Variants in SELENOF observed in about 807,000 individuals in gnomAD.
The protein encoded by SELENOF is 15 kDa selenoprotein.
Under a neutral mutation model 20.5 loss-of-function variants are expected in SELENOF, and 16 were observed. The ratio of observed to expected loss-of-function variants is 0.78; its 90% CI spans 0.53 to 1.19. The LOEUF (loss-of-function observed/expected upper bound fraction) is 1.19, where lower values mean the gene tolerates loss of function less well. SELENOF is among the 50% of genes most tolerant of loss of function. The pLI is 0.00. For missense variants in SELENOF, 215 were observed against 194.2 expected (o/e 1.11, Z -0.64); for synonymous variants, 78 against 74.5 (o/e 1.05, Z -0.24).
chr1:86,863,215 C>A lies in SELENOF; in HGVS notation c.*259G>T. On this transcript the variant is annotated 3_prime_UTR_variant, in exon 5 of 5. Coordinates refer to ENST00000331835, the MANE Select transcript of SELENOF (RefSeq NM_004261.5). ...ACAAACTATCATTTGCATAATTAAC[C>A]GCAAGTCTGTTACAAAGCATTTTGT... is the stretch of plus-strand genomic sequence containing the variant. 3.1e-6 allele frequency: 1 copy of A among 321,744 alleles called. No homozygotes were observed. Among genetic ancestry groups the A allele is most frequent in the Non-Finnish European group, 5.7e-6 (1 of 176,132 alleles). 19.9% of individuals were successfully genotyped at this position (321,744 alleles called of 1,614,324 possible).
At chr1:86,907,300 A>G (rs1231346959) in intron 1 of SELENOF, among the ~76,000 whole-genome samples, 1 of 152,234 alleles carries the variant, frequency 6.6e-6, no homozygotes, top group South Asian at 2.1e-4. Flanking sequence ...AAAAATTACA[A>G]AACACTATAT....
Position 86,863,263 on chromosome 1 carries a change from A to C in SELENOF, c.*211T>G. On this transcript the variant is annotated 3_prime_UTR_variant, in exon 5 of 5. Coordinates refer to ENST00000331835, the MANE Select transcript of SELENOF (RefSeq NM_004261.5). The stretch of plus-strand genomic sequence containing the variant: ...TGTTAGTGGTATCAACAAATGCAGG[A>C]GGATGGACATTTATAAAAAATGGGT... The C allele has an allele frequency of 2.4e-6, 1 of 419,748 alleles. No homozygotes were observed. 26.0% of individuals were successfully genotyped at this position (419,748 alleles called of 1,614,324 possible).
At chr1:86,899,406 G>A (rs1391433599) in intron 2 of SELENOF, among the ~76,000 whole-genome samples, 2 of 128,570 alleles carry the variant, frequency 1.6e-5, no homozygotes, top group Non-Finnish European at 3.2e-5. Context: ...CGGCTGGCCG[G>A]GCAGGGGGCC....
At chr1:86,864,372 T>A (rs1221591086) in intron 4 of SELENOF, among the ~76,000 whole-genome samples, 7 of 152,188 alleles carry the variant, frequency 4.6e-5, no homozygotes, top group African/African-American at 1.7e-4. Context: ...AGATCAAATA[T>A]CCAATTTTAA....
chr1:86,868,449 C>T (rs1026469503), intron 3 of SELENOF, among the ~76,000 whole-genome samples: 11 of 151,994 alleles, frequency 7.2e-5, no homozygotes, highest in East Asian at 1.9e-4. Flanking sequence ...TATTAATATA[C>T]TATGTGATAC....
At chr1:86,866,422 C>G (rs978413445) in intron 4 of SELENOF, among the ~76,000 whole-genome samples, 3 of 148,176 alleles carry the variant, frequency 2.0e-5, no homozygotes, top group Non-Finnish European at 3.0e-5. Flanking sequence ...AAACAGAAAA[C>G]AGGTAGTTGT....
chr1:86,914,236 T>A, upstream of SELENOF: 1 of 806,326 alleles, frequency 1.2e-6, no homozygotes, highest in Non-Finnish European at 2.1e-6. Context: ...TGACAGGTAT[T>A]AAATAACGGC....
At chr1:86,906,246 G>C (rs377325627) in intron 1 of SELENOF, among the ~76,000 whole-genome samples, 5 of 152,302 alleles carry the variant, frequency 3.3e-5, no homozygotes, top group African/African-American at 1.2e-4. Flanking sequence ...TACCATACTA[G>C]TACTTTGGGT....
chr1:86,879,935 ATT>A (rs1371944113), intron 3 of SELENOF, among the ~76,000 whole-genome samples: 1 of 151,952 alleles, frequency 6.6e-6, no homozygotes, highest in Non-Finnish European at 1.5e-5. Flanking sequence ...TTCCTTGGTG[ATT>A]TGTTATTTTG....
chr1:86,880,852 C>A (rs1439925768), intron 2 of SELENOF, 127 bp from the exon 3 acceptor site: 1 of 560,728 alleles, frequency 1.8e-6, no homozygotes. Context: ...AATGTCAAAG[C>A]TGGTTAGCCA....
rs572848314 is a variant in SELENOF, at chr1:86,879,832, T to C, written c.316+830A>G. On this transcript the variant is annotated intron_variant, in intron 3 of 4. Transcript: ENST00000331835. ...AACCCAAAGAATATACCTTCACAAT[T>C]ATCCTTTAACATGTTTACCCAAAAT... Among the ~76,000 whole-genome samples the C allele has an allele frequency of 2.6e-5, 4 of 152,316 alleles. No homozygotes were observed. The East Asian group carries it at 7.7e-4, about 29-fold the overall frequency.
At chr1:86,867,248 T>C (rs889371766) in intron 4 of SELENOF, among the ~76,000 whole-genome samples, 2 of 152,022 alleles carry the variant, frequency 1.3e-5, no homozygotes, top group African/African-American at 4.8e-5. Context: ...CCCAGCACTT[T>C]GGGAGGCTGG....
At chr1:86,905,977 G>C (rs979891426) in intron 1 of SELENOF, among the ~76,000 whole-genome samples, 1 of 152,200 alleles carries the variant, frequency 6.6e-6, no homozygotes, top group East Asian at 1.9e-4. Context: ...GCTGCAGTGT[G>C]TCAATCCTTT....
chr1:86,909,691 T>C (rs1659926396), intron 1 of SELENOF, among the ~76,000 whole-genome samples: 1 of 152,118 alleles, frequency 6.6e-6, no homozygotes, highest in Non-Finnish European at 1.5e-5. Context: ...CCATGTGGAT[T>C]TGTGTAATAC....
At chr1:86,888,402 A>T (rs911970556) in intron 2 of SELENOF, among the ~76,000 whole-genome samples, 1 of 152,152 alleles carries the variant, frequency 6.6e-6, no homozygotes, top group African/African-American at 2.4e-5. Flanking sequence ...AGGTCCTAAT[A>T]ATATATGGAA....
At chr1:86,887,175 G>A in intron 2 of SELENOF, 1 of 1,542,146 alleles carries the variant, frequency 6.5e-7, no homozygotes, top group Non-Finnish European at 8.7e-7. Context: ...TGGCATTCTT[G>A]CTTAGAAACA....
In SELENOF at chr1:86,906,707, G is replaced by A. The variant is rs535371542; in HGVS notation, c.85-3259C>T. On this transcript the variant is annotated intron_variant, in intron 1 of 4. Transcript: ENST00000331835. ...AACCAGTATCAGCTACTAGACATGT[G>A]AGTAAACCACCTTCAGATTTCAGGC... Among the ~76,000 whole-genome samples, 11 of 152,338 alleles carry A rather than the reference G, an allele frequency of 7.2e-5. No homozygotes were observed. The South Asian group carries it at 1.9e-3, about 26-fold the overall frequency.
chr1:86,908,127 C>T (rs919473302), intron 1 of SELENOF, among the ~76,000 whole-genome samples: 3 of 152,140 alleles, frequency 2.0e-5, no homozygotes, highest in Non-Finnish European at 4.4e-5. Flanking sequence ...CTGTACTATA[C>T]CATTACCTTA....
chr1:86,886,939 A>G (rs1432776458), intron 2 of SELENOF, among the ~76,000 whole-genome samples: 1 of 152,202 alleles, frequency 6.6e-6, no homozygotes, highest in African/African-American at 2.4e-5. Context: ...CCAAACACTA[A>G]TAATATCCAG....
Sources: gnomAD v4.1 joint callset for allele counts (sites outside exome capture counted in the v4.1 genomes callset) on GRCh38, gnomAD v4.1.1 for gene constraint, MANE v1.5 for transcripts, NCBI Gene and HGNC (gene_info 2026-07-23, HGNC 2026-07-21) for gene names.